CCAR1: variants seen among roughly 807,000 people sequenced by gnomAD.
CCAR1 encodes the protein cell division cycle and apoptosis regulator 1, also known as cell division cycle and apoptosis regulator protein 1.
CCAR1 carries 78 observed loss-of-function variants against 163.8 expected under a neutral mutation model. The observed-to-expected ratio is 0.48, with a 90% CI of 0.40 to 0.57. The LOEUF is 0.57. Among genes scored for constraint, CCAR1 ranks in the 20% least tolerant of loss-of-function variants. CCAR1 has a pLI of 0.00. For synonymous variants in CCAR1, 443 were observed against 460.7 expected (o/e 0.96, Z 0.49); for missense variants, 1,019 against 1,365.2 (o/e 0.75, Z 4.00).
chr10:68,770,518 G>T (rs575343920), intron 17 of CCAR1, among the ~76,000 whole-genome samples: 2 of 152,060 alleles, frequency 1.3e-5, no homozygotes, highest in African/African-American at 4.8e-5. Flanking sequence ...CAAGGCAGGC[G>T]GATCACCTGA....
chr10:68,726,442 C>T lies in CCAR1; in HGVS notation c.73+3865C>T, dbSNP rs527785584. The stretch of plus-strand genomic sequence containing the variant: ...CTGGGATTACAGGCGTGAGCCACTG[C>T]GCCTGGCTCTTGACATGCTTAAACC... On this transcript the variant is annotated intron_variant, in intron 2 of 24. Transcript: ENST00000265872. 5.3e-5 allele frequency among the ~76,000 whole-genome samples: 8 copies of T among 152,162 alleles called. No individual in the cohort carries two copies. In the South Asian group the frequency reaches 1.7e-3, roughly 32 times the overall value.
chr10:68,782,497 A>G (rs1283751906), intron 19 of CCAR1, among the ~76,000 whole-genome samples: 1 of 152,214 alleles, frequency 6.6e-6, no homozygotes, highest in East Asian at 1.9e-4. Flanking sequence ...GGCTATGCTA[A>G]GTAAATTTTC....
At chr10:68,788,090 G>A (rs1237431082) in intron 22 of CCAR1, 43 bp downstream of exon 22, 2 of 1,527,888 alleles carry the variant, frequency 1.3e-6, no homozygotes. Flanking sequence ...AAATATACTA[G>A]TAATTAAAGA....
At position 68,738,698 on chromosome 10, in the gene CCAR1, C is replaced by T. The variant is rs7904632; in HGVS notation, c.291+809C>T. Among the ~76,000 whole-genome samples, 419 of 152,172 alleles carry T rather than the reference C, an allele frequency of 2.8e-3. 3 individuals carry two copies. The highest frequency in any genetic ancestry group is 9.4e-3 in the African/African-American group (391 of 41,514). ...AAGGAGTAGGACTCCTAGTCCCCTTCTTACTAATCAAATTGTGTATGGAAA... is the reference window on the plus strand; with the variant it reads ...AAGGAGTAGGACTCCTAGTCCCCTTTTTACTAATCAAATTGTGTATGGAAA... On this transcript the variant is annotated intron_variant, in intron 4 of 24. Transcript: ENST00000265872.
In CCAR1 at chr10:68,761,090, A is replaced by G. The variant is rs200975108; in HGVS notation, c.2004A>G (p.Lys668=). The change falls in exon 16 of 25, where the codon AAA becomes AAG. Residue 668 remains lysine, a synonymous_variant. Transcript: ENST00000265872. ...CCCAGTTAATAGCCCGATTGACAAA[A>G]CAGCTTAAAGTAGAGGAACAAAAAG... The part of the protein sequence containing the change: ...LKSQLIARLT[K]QLKVEEQKEE... 4 of 1,611,798 alleles carry G rather than the reference A, an allele frequency of 2.5e-6. No homozygotes were observed. Among genetic ancestry groups the G allele is most frequent in the Non-Finnish European group, 3.4e-6 (4 of 1,178,744 alleles).
At chr10:68,728,618 AG>A (rs1418216674) in intron 2 of CCAR1, among the ~76,000 whole-genome samples, 15 of 152,272 alleles carry the variant, frequency 9.9e-5, no homozygotes, top group African/African-American at 3.6e-4. Context: ...AGAGAGTATA[AG>A]AACCTCATAT....
At chr10:68,758,908 T>C (rs537341510) in intron 15 of CCAR1, among the ~76,000 whole-genome samples, 2 of 151,814 alleles carry the variant, frequency 1.3e-5, no homozygotes, top group Admixed American at 6.6e-5. Context: ...CTGACCTCAA[T>C]TGATCCACCC....
intron 10 of CCAR1, among the ~76,000 whole-genome samples, chr10:68,753,460 G>A (rs17462632): frequency 0.065 from 9,891 of 152,156 alleles, 431 homozygotes; most frequent in South Asian, 0.14. Context: ...ATTGAGGGGC[G>A]TACAGAAATA....
At chr10:68,736,646 T>C (rs1423796803) in intron 2 of CCAR1, among the ~76,000 whole-genome samples, 1 of 152,160 alleles carries the variant, frequency 6.6e-6, no homozygotes, top group Non-Finnish European at 1.5e-5. Flanking sequence ...TGGTGCAAAT[T>C]ACCGGATATT....
chr10:68,748,895 G>A (rs1337773386), intron 8 of CCAR1, among the ~76,000 whole-genome samples: 3 of 151,948 alleles, frequency 2.0e-5, no homozygotes, highest in African/African-American at 7.3e-5. Flanking sequence ...CAGAGCTGGT[G>A]TTGAACTCCT....
chr10:68,780,249 G>A (rs183454623), intron 19 of CCAR1, among the ~76,000 whole-genome samples: 8 of 152,174 alleles, frequency 5.3e-5, no homozygotes, highest in African/African-American at 1.9e-4. Context: ...CCCAGGCTGG[G>A]CAGTAGCACG....
intron 23 of CCAR1, among the ~76,000 whole-genome samples, chr10:68,789,344 CA>C (rs751395057): frequency 1.3e-5 from 2 of 151,782 alleles, no homozygotes; most frequent in Non-Finnish European, 2.9e-5. Flanking sequence ...GTAATCCCAG[CA>C]CTTTGGGAGG....
chr10:68,771,110 C>T (rs150185870), intron 17 of CCAR1, 96 bp from the exon 18 acceptor site: 11 of 1,041,344 alleles, frequency 1.1e-5, no homozygotes, highest in African/African-American at 6.4e-5. Context: ...TTTACATAAT[C>T]GTTGTATGTG....
chr10:68,771,073 A>T, intron 17 of CCAR1, 133 bp from the exon 18 acceptor site: 1 of 654,228 alleles, frequency 1.5e-6, no homozygotes, highest in Non-Finnish European at 2.5e-6. Flanking sequence ...GCGAGACTCC[A>T]TCTCAAAAAA....
rs970173174 is a variant in CCAR1 at position 68,753,944 on chromosome 10, C to T, written c.1211C>T (p.Ala404Val). 1.9e-6 allele frequency: 3 copies of T among 1,613,816 alleles called. No homozygotes were observed. Among genetic ancestry groups the T allele is most frequent in the Non-Finnish European group, 2.5e-6 (3 of 1,179,924 alleles). Residue 404 changes from alanine (A) to valine (V), a missense_variant, in exon 11 of 25, where the codon GCT becomes GTT. Physicochemically the swap from Ala to Val is moderately conservative, Grantham distance 64. This residue lies in a region of CCAR1 where 644 missense variants were observed against 904.4 expected (regional missense o/e 0.71). Transcript: ENST00000265872. ...GATGCTCAATTTACATGGGTGGATGCTTTCCCTTTGTCAAGACCATTTCAG... is the reference window on the plus strand; with the variant it reads ...GATGCTCAATTTACATGGGTGGATGTTTTCCCTTTGTCAAGACCATTTCAG... ...FFDAQFTWVDAFPLSRPFQLG... is the reference protein window; with the variant it reads ...FFDAQFTWVDVFPLSRPFQLG...
intron 19 of CCAR1, among the ~76,000 whole-genome samples, chr10:68,777,312 C>A (rs2056678810): frequency 6.6e-6 from 1 of 152,182 alleles, no homozygotes; most frequent in South Asian, 2.1e-4. Flanking sequence ...ATGATCTTCG[C>A]AAAATTTAGA....
intron 17 of CCAR1, among the ~76,000 whole-genome samples, chr10:68,767,055 G>A (rs569033145): frequency 6.6e-6 from 1 of 151,988 alleles, no homozygotes; most frequent in East Asian, 1.9e-4. Flanking sequence ...TCCCTAAGAC[G>A]CTTTCATAAG....
intron 19 of CCAR1, among the ~76,000 whole-genome samples, chr10:68,778,783 G>C (rs1161880338): frequency 6.6e-6 from 1 of 152,078 alleles, no homozygotes. Flanking sequence ...ATTGCTGCTT[G>C]CTTCTGTTTT....
At chr10:68,758,579 T>A (rs80182813) in intron 15 of CCAR1, among the ~76,000 whole-genome samples, 1 of 146,526 alleles carries the variant, frequency 6.8e-6, no homozygotes, top group African/African-American at 2.5e-5. Context: ...GTACACACGT[T>A]TGTATATATG....
Sources: gnomAD v4.1 joint callset for allele counts (sites outside exome capture counted in the v4.1 genomes callset) on GRCh38, gnomAD v4.1.1 for gene constraint, gnomAD v4.1.1 regional missense constraint, MANE v1.5 for transcripts, NCBI Gene and HGNC (gene_info 2026-07-23, HGNC 2026-07-21) for gene names.